Variants in MACROD2 observed in about 807,000 individuals in gnomAD.
The protein encoded by MACROD2 is ADP-ribose glycohydrolase MACROD2.
A neutral mutation model predicts 70.4 loss-of-function variants in MACROD2; 36 were observed. That is an observed-to-expected ratio of 0.51 (90% CI 0.39 to 0.68). The LOEUF is 0.68. MACROD2 is among the 30% of genes least tolerant of loss of function. The pLI, the probability that MACROD2 is intolerant of heterozygous loss-of-function variation, is 0.00. For missense variants in MACROD2, 496 were observed against 538.4 expected, an observed-to-expected ratio of 0.92 and a Z score of 0.78; for synonymous variants, 172 against 178.8, an observed-to-expected ratio of 0.96 and a Z score of 0.30.
At chr20:15,275,989 G>A (rs2077387378) in intron 6 of MACROD2, among the ~76,000 whole-genome samples, 1 of 152,206 alleles carries the variant, frequency 6.6e-6, no homozygotes, top group Non-Finnish European at 1.5e-5. Context: ...AGGGCATCCT[G>A]AGAACCATGT....
At chr20:15,444,839 A>C (rs1734930540) in intron 7 of MACROD2, among the ~76,000 whole-genome samples, 2 of 152,134 alleles carry the variant, frequency 1.3e-5, no homozygotes, top group South Asian at 2.1e-4. Flanking sequence ...AATGAGGTTA[A>C]TAATGAGGTT....
chr20:14,235,179 A>G lies in MACROD2; in HGVS notation c.271+149451A>G, dbSNP rs192764048. Among the ~76,000 whole-genome samples the G allele has an allele frequency of 2.9e-3, 438 of 152,300 alleles. 6 individuals carry two copies. Among genetic ancestry groups the G allele is most frequent in the African/African-American group, 0.01 (422 of 41,568 alleles). On this transcript the variant is annotated intron_variant, in intron 3 of 17. Transcript: ENST00000684519. ...CCACATCTCCAGACTAATATTTTCA[A>G]ACGTGAAGGGGATAAAATTTATATT... is the stretch of plus-strand genomic sequence containing the variant.
chr20:14,984,349 T>TCC (rs2074829750), intron 5 of MACROD2, among the ~76,000 whole-genome samples: 1 of 152,096 alleles, frequency 6.6e-6, no homozygotes, highest in Non-Finnish European at 1.5e-5. Flanking sequence ...AGGTTTTTGT[T>TCC]TGTTTGTTGG....
chr20:15,873,148 C>A (rs1303158248), intron 9 of MACROD2, among the ~76,000 whole-genome samples: 2 of 151,958 alleles, frequency 1.3e-5, no homozygotes, highest in Non-Finnish European at 2.9e-5. Flanking sequence ...TATGCAAAAC[C>A]AAGACACTTT....
At chr20:14,446,800 T>C (rs2084187646) in intron 3 of MACROD2, among the ~76,000 whole-genome samples, 1 of 152,060 alleles carries the variant, frequency 6.6e-6, no homozygotes, top group South Asian at 2.1e-4. Flanking sequence ...TAATTAAAAT[T>C]AAATCTGTTG....
chr20:14,675,433 A>G (rs1398811510), intron 4 of MACROD2, among the ~76,000 whole-genome samples: 3 of 152,182 alleles, frequency 2.0e-5, no homozygotes, highest in Non-Finnish European at 4.4e-5. Flanking sequence ...TTCAACCCAG[A>G]GTTTCATATC....
intron 8 of MACROD2, among the ~76,000 whole-genome samples, chr20:15,781,079 T>A (rs2051823167): frequency 1.3e-5 from 2 of 152,186 alleles, no homozygotes; most frequent in Admixed American, 6.5e-5. Context: ...AAGTTTAAAA[T>A]TTTTGAGTGG....
intron 5 of MACROD2, among the ~76,000 whole-genome samples, chr20:15,185,691 ATTG>A (rs1387041944): frequency 6.6e-6 from 1 of 152,158 alleles, no homozygotes; most frequent in Non-Finnish European, 1.5e-5. Context: ...CCTTCTTTGT[ATTG>A]TTGGACGTAT....
At chr20:15,472,665 AC>A (rs2046976739) in intron 7 of MACROD2, among the ~76,000 whole-genome samples, 1 of 151,844 alleles carries the variant, frequency 6.6e-6, no homozygotes, top group African/African-American at 2.4e-5. Flanking sequence ...AATATTTCCC[AC>A]CTTTTCCCCT....
At position 14,307,134 on chromosome 20, in the gene MACROD2, A is replaced by G. The variant is rs142684048; in HGVS notation, c.272-186345A>G. ...AAAAGTTATGGATGACTTACTGATA[A>G]TTGCTTACCATAAATTTGAAAACTT... On this transcript the variant is annotated intron_variant, in intron 3 of 17. Coordinates refer to ENST00000684519, the MANE Select transcript of MACROD2 (RefSeq NM_001351661.2). Among the ~76,000 whole-genome samples the G allele has an allele frequency of 8.7e-3, 1,325 of 152,244 alleles. 17 individuals carry two copies. The highest frequency in any genetic ancestry group is 0.01 in the Middle Eastern group (3 of 294).
chr20:15,681,248 A>G (rs1011829900), intron 8 of MACROD2, among the ~76,000 whole-genome samples: 1 of 152,220 alleles, frequency 6.6e-6, no homozygotes, highest in Non-Finnish European at 1.5e-5. Context: ...AAGTCTTCAT[A>G]TGTAATTTGT....
chr20:15,284,861 T>A (rs1276473194), intron 6 of MACROD2, among the ~76,000 whole-genome samples: 1 of 152,220 alleles, frequency 6.6e-6, no homozygotes, highest in African/African-American at 2.4e-5. Context: ...ATGGTTTTTA[T>A]ATACAAACAT....
At chr20:15,344,367 A>C (rs1459637980) in intron 6 of MACROD2, among the ~76,000 whole-genome samples, 1 of 152,136 alleles carries the variant, frequency 6.6e-6, no homozygotes, top group Non-Finnish European at 1.5e-5. Context: ...GGCATGGTTC[A>C]TTTTTGTATG....
At chr20:15,954,760 T>C (rs1440990535) in intron 12 of MACROD2, among the ~76,000 whole-genome samples, 1 of 152,214 alleles carries the variant, frequency 6.6e-6, no homozygotes, top group Non-Finnish European at 1.5e-5. Flanking sequence ...TACAAGCATG[T>C]GCTACATAGC....
chr20:14,963,866 A>G (rs1180044897), intron 5 of MACROD2, among the ~76,000 whole-genome samples: 1 of 152,190 alleles, frequency 6.6e-6, no homozygotes, highest in Non-Finnish European at 1.5e-5. Flanking sequence ...TGGGCTTCTT[A>G]CAACTTACAA....
In MACROD2 at chr20:14,571,375, A is replaced by G. The variant is rs567161641; in HGVS notation, c.301+77867A>G. Among the ~76,000 whole-genome samples the G allele has an allele frequency of 3.3e-5, 5 of 152,192 alleles. No individual in the cohort carries two copies. In the South Asian group the frequency reaches 6.2e-4, roughly 19 times the overall value. On this transcript the variant is annotated intron_variant, in intron 4 of 17. Coordinates refer to ENST00000684519, the MANE Select transcript of MACROD2 (RefSeq NM_001351661.2). ...TAGCCAGTAGGTATTTTTGAAAGTC[A>G]TGAAGTCCAGATGATTAAAGTTATT...
intron 3 of MACROD2, chr20:14,128,066 G>A (rs2054674200): frequency 1.8e-6 from 1 of 561,682 alleles, no homozygotes; most frequent in African/African-American, 1.9e-5. Context: ...AACCTACAAT[G>A]ATGAGGGGAG....
At chr20:14,618,488 G>T (rs1458204405) in intron 4 of MACROD2, among the ~76,000 whole-genome samples, 1 of 152,136 alleles carries the variant, frequency 6.6e-6, no homozygotes, top group East Asian at 1.9e-4. Context: ...CTTGGGAAAA[G>T]TACTTAAAAT....
chr20:14,091,655 A>C (rs2054151593), intron 3 of MACROD2, among the ~76,000 whole-genome samples: 1 of 152,204 alleles, frequency 6.6e-6, no homozygotes, highest in South Asian at 2.1e-4. Flanking sequence ...ATGTAAATAG[A>C]ATCATACAGC....
Sources: allele counts gnomAD v4.1 joint callset (sites outside exome capture counted in the v4.1 genomes callset), GRCh38; gene constraint gnomAD v4.1.1; transcripts MANE v1.5; gene names NCBI Gene and HGNC (gene_info 2026-07-23, HGNC 2026-07-21).